Variants in ME3 observed in about 807,000 individuals in gnomAD.
The protein encoded by ME3 is malic enzyme 3.
ME3 carries 48 observed loss-of-function variants against 68.9 expected under a neutral mutation model. The ratio of observed to expected loss-of-function variants is 0.70; its 90% CI spans 0.55 to 0.89. The LOEUF (loss-of-function observed/expected upper bound fraction) is 0.89, where lower values mean the gene tolerates loss of function less well. ME3 is among the 40% of genes least tolerant of loss of function. The probability of loss-of-function intolerance (pLI) is 0.00; values close to 1 mark genes in which losing one functional copy is unlikely to be tolerated. For missense variants in ME3, 675 were observed against 797.4 expected (o/e 0.85, Z 1.85); for synonymous variants, 320 against 318.8 (o/e 1.00, Z -0.04).
chr11:86,450,230 T>C, intron 9 of ME3, 71 bp downstream of exon 9: 2 of 1,445,210 alleles, frequency 1.4e-6, no homozygotes, highest in South Asian at 1.2e-5. Flanking sequence ...AATGCCTCCC[T>C]TTTTTGGTAT....
At chr11:86,469,993 C>G (rs567002298) in intron 7 of ME3, among the ~76,000 whole-genome samples, 1 of 152,208 alleles carries the variant, frequency 6.6e-6, no homozygotes, top group African/African-American at 2.4e-5. Context: ...GCACCTGCCA[C>G]CTGGGATGCA....
chr11:86,471,141 C>CTTTTTTTTTTTTT (rs1163128094), intron 7 of ME3, among the ~76,000 whole-genome samples: 1 of 75,044 alleles, frequency 1.3e-5, no homozygotes, highest in African/African-American at 6.3e-5. Context: ...AGGCCCAGAG[C>CTTTTTTTTTTTTT]TTTTTTTTTT....
intron 2 of ME3, among the ~76,000 whole-genome samples, chr11:86,592,257 C>T (rs1038552431): frequency 2.0e-5 from 3 of 152,214 alleles, no homozygotes; most frequent in African/African-American, 7.2e-5. Context: ...ATCCAGGCTG[C>T]TGCTTTTTTT....
chr11:86,584,392 T>C (rs1055697626), intron 2 of ME3, among the ~76,000 whole-genome samples: 2 of 152,148 alleles, frequency 1.3e-5, no homozygotes, highest in African/African-American at 4.8e-5. Context: ...GTAACCACCA[T>C]GGAAAACAGT....
At chr11:86,498,057 A>T in exon 6 of ME3, 1 of 1,613,750 alleles carries the variant, frequency 6.2e-7, no homozygotes, top group South Asian at 1.1e-5. Flanking sequence ...GCCCACAGGG[A>T]TGCCCATGCC....
At chr11:86,571,677 G>A (rs574319752) in intron 2 of ME3, among the ~76,000 whole-genome samples, 2 of 152,362 alleles carry the variant, frequency 1.3e-5, no homozygotes, top group African/African-American at 4.8e-5. Flanking sequence ...GAAAGCATGG[G>A]AACTGCAGAC....
intron 2 of ME3, among the ~76,000 whole-genome samples, chr11:86,642,482 A>G (rs544124416): frequency 1.3e-5 from 2 of 152,324 alleles, no homozygotes; most frequent in South Asian, 4.1e-4. Context: ...CTTTATGAAA[A>G]CAGAACAAGA....
chr11:86,610,299 G>C (rs758333690), intron 2 of ME3, among the ~76,000 whole-genome samples: 2 of 151,906 alleles, frequency 1.3e-5, no homozygotes, highest in African/African-American at 4.8e-5. Flanking sequence ...TCATATTATC[G>C]TTATATTTTT....
intron 2 of ME3, among the ~76,000 whole-genome samples, chr11:86,616,452 T>G (rs1441453138): frequency 6.6e-6 from 1 of 152,232 alleles, no homozygotes; most frequent in Non-Finnish European, 1.5e-5. Flanking sequence ...GATTTTAAAT[T>G]CTTCTTAAAT....
At chr11:86,573,533 G>C (rs532589481) in intron 2 of ME3, among the ~76,000 whole-genome samples, 1 of 150,246 alleles carries the variant, frequency 6.7e-6, no homozygotes, top group South Asian at 2.1e-4. Context: ...TTGTTGGTCT[G>C]ACAGACGGGA....
At chr11:86,486,821 G>A (rs1039664081) in intron 7 of ME3, among the ~76,000 whole-genome samples, 1 of 152,222 alleles carries the variant, frequency 6.6e-6, no homozygotes, top group African/African-American at 2.4e-5. Context: ...TGCCAGTACT[G>A]TGAAGCTTCC....
At chr11:86,670,920 C>T (rs1322043330) in intron 2 of ME3, among the ~76,000 whole-genome samples, 4 of 152,180 alleles carry the variant, frequency 2.6e-5, no homozygotes, top group African/African-American at 9.7e-5. Flanking sequence ...AGTTGGGCCT[C>T]AGATAAGTTA....
At chr11:86,537,685 T>C (rs896077905) in intron 4 of ME3, among the ~76,000 whole-genome samples, 1 of 152,332 alleles carries the variant, frequency 6.6e-6, no homozygotes, top group African/African-American at 2.4e-5. Context: ...AGATCTTTCT[T>C]TTCAAAGGCC....
intron 4 of ME3, among the ~76,000 whole-genome samples, chr11:86,530,034 G>C (rs1011362671): frequency 6.6e-6 from 1 of 152,250 alleles, no homozygotes; most frequent in Non-Finnish European, 1.5e-5. Context: ...GAAATAAAGG[G>C]TATTCAATTA....
chr11:86,660,893 C>A (rs1286564195), intron 2 of ME3, among the ~76,000 whole-genome samples: 1 of 152,118 alleles, frequency 6.6e-6, no homozygotes, highest in African/African-American at 2.4e-5. Context: ...TTTTTTGTGG[C>A]TTTCAAAATT....
Position 86,491,302 on chromosome 11 carries a change from C to G in ME3, c.706-3862G>C, listed in dbSNP as rs113159046. On this transcript the variant is annotated intron_variant, in intron 6 of 14. Coordinates refer to ENST00000543262, the Ensembl canonical transcript of ME3. Reference sequence around the variant, plus strand: ...TGACTGGGTCTCATGACGAAGCATCCTCTTCGTCCCATCACTTGATATTGT... The same window carrying G: ...TGACTGGGTCTCATGACGAAGCATCGTCTTCGTCCCATCACTTGATATTGT... Among the ~76,000 whole-genome samples the G allele has an allele frequency of 5.8e-3, 884 of 152,294 alleles. 10 individuals are homozygous for G. The highest frequency in any genetic ancestry group is 0.02 in the African/African-American group (822 of 41,550).
intron 2 of ME3, among the ~76,000 whole-genome samples, chr11:86,608,776 A>G (rs962662072): frequency 4.6e-5 from 7 of 152,238 alleles, no homozygotes; most frequent in African/African-American, 1.4e-4. Flanking sequence ...ATGCATTCAT[A>G]TAGAAGAGGT....
At chr11:86,641,901 G>A (rs1944695343) in intron 2 of ME3, among the ~76,000 whole-genome samples, 1 of 152,032 alleles carries the variant, frequency 6.6e-6, no homozygotes, top group Admixed American at 6.5e-5. Flanking sequence ...ACTTTAAACA[G>A]CTTTTTACTT....
intron 2 of ME3, among the ~76,000 whole-genome samples, chr11:86,666,271 T>C (rs746920526): frequency 1.8e-4 from 28 of 152,214 alleles, no homozygotes; most frequent in Non-Finnish European, 3.7e-4. Flanking sequence ...GGATTTCCCC[T>C]TCCCAATTGG....
Sources: gnomAD v4.1 joint callset for allele counts (sites outside exome capture counted in the v4.1 genomes callset) on GRCh38, gnomAD v4.1.1 for gene constraint, MANE v1.5 for transcripts, NCBI Gene and HGNC (gene_info 2026-07-23, HGNC 2026-07-21) for gene names.